SLC5A4: variants seen among roughly 807,000 people sequenced by gnomAD.
The protein encoded by SLC5A4 is solute carrier family 5 member 4.
A neutral mutation model predicts 70.3 loss-of-function variants in SLC5A4; 55 were observed. That is an observed-to-expected ratio of 0.78 (90% CI 0.63 to 0.98). The LOEUF is 0.98. SLC5A4 is among the 50% of genes least tolerant of loss of function. SLC5A4 has a pLI of 0.00. For missense variants in SLC5A4, 735 were observed against 839.2 expected (o/e 0.88, Z 1.53); for synonymous variants, 268 against 305.7 (o/e 0.88, Z 1.29).
chr22:32,324,152 G>A, the SLC5A4 span, among the ~76,000 whole-genome samples: 5 of 149,626 alleles, frequency 3.3e-5, no homozygotes, highest in Admixed American at 6.8e-5. Context: ...GCATTGACGC[G>A]GCTCTATTTC....
At chr22:32,353,668 C>G in the SLC5A4 span, among the ~76,000 whole-genome samples, 1 of 151,832 alleles carries the variant, frequency 6.6e-6, no homozygotes, top group African/African-American at 2.4e-5. Context: ...CAACCACCGG[C>G]AGTGTAGCAT....
chr22:32,289,696 CTG>C, the SLC5A4 span, among the ~76,000 whole-genome samples: 4 of 152,240 alleles, frequency 2.6e-5, no homozygotes, highest in African/African-American at 9.6e-5. Flanking sequence ...CCATGCGGAA[CTG>C]TGAGTCATTA....
the SLC5A4 span, among the ~76,000 whole-genome samples, chr22:32,318,515 T>C: frequency 6.6e-6 from 1 of 152,174 alleles, no homozygotes; most frequent in Non-Finnish European, 1.5e-5. Flanking sequence ...GAGTCATCTT[T>C]GACCCCTCTT....
the SLC5A4 span, among the ~76,000 whole-genome samples, chr22:32,333,561 G>C: frequency 3.3e-5 from 5 of 152,208 alleles, no homozygotes; most frequent in Non-Finnish European, 7.4e-5. Flanking sequence ...CTGTGGCCCT[G>C]ATCATCGGCT....
chr22:32,316,279 C>G, the SLC5A4 span, among the ~76,000 whole-genome samples: 5 of 151,920 alleles, frequency 3.3e-5, no homozygotes, highest in East Asian at 7.7e-4. Context: ...AAAGGATGAG[C>G]AGAAGCATAA....
chr22:32,310,581 A>G, the SLC5A4 span, among the ~76,000 whole-genome samples: 1 of 152,232 alleles, frequency 6.6e-6, no homozygotes, highest in Non-Finnish European at 1.5e-5. Flanking sequence ...GAGACCCCCC[A>G]GCACAGGTTC....
At position 32,237,108 on chromosome 22, in the gene SLC5A4, A is replaced by G. The variant is rs932506930; in HGVS notation, c.664+136T>C. 11 of 681,374 alleles carry G rather than the reference A, an allele frequency of 1.6e-5. No individual in the cohort carries two copies. In the African/African-American group the frequency reaches 2.0e-4, roughly 12 times the overall value. 42.2% of individuals were successfully genotyped at this position (681,374 alleles called of 1,614,324 possible). A position where few individuals can be genotyped will look rare whatever the true frequency, so the allele number is the denominator to read the frequency against. ...AAGAAGTCAGGCAGATATTTCAGTG[A>G]TGGGGATTATGTAAATGACTGGAAA... On this transcript the variant is annotated intron_variant, in intron 7 of 14. Coordinates refer to ENST00000266086, the MANE Select transcript of SLC5A4 (RefSeq NM_014227.3).
the SLC5A4 span, chr22:32,270,794 G>A: frequency 2.0e-5 from 12 of 599,294 alleles, no homozygotes; most frequent in East Asian, 2.1e-4. Flanking sequence ...GCCGACGGCC[G>A]CGTCACCATG....
chr22:32,317,147 A>G, the SLC5A4 span, among the ~76,000 whole-genome samples: 1 of 152,216 alleles, frequency 6.6e-6, no homozygotes, highest in African/African-American at 2.4e-5. Context: ...TTTGCCACCA[A>G]GAAGTCTATA....
chr22:32,322,581 G>A, the SLC5A4 span, among the ~76,000 whole-genome samples: 2 of 116,704 alleles, frequency 1.7e-5, no homozygotes, highest in African/African-American at 7.1e-5. Flanking sequence ...GCAAGACTCT[G>A]TCTCAAAAAA....
At chr22:32,308,192 A>C in the SLC5A4 span, among the ~76,000 whole-genome samples, 35 of 151,976 alleles carry the variant, frequency 2.3e-4, no homozygotes, top group Admixed American at 1.6e-3. Context: ...AACATGGGGG[A>C]AATCTGTAAA....
At chr22:32,292,071 A>AGT in the SLC5A4 span, among the ~76,000 whole-genome samples, 1 of 133,958 alleles carries the variant, frequency 7.5e-6, no homozygotes, top group East Asian at 2.0e-4. Context: ...ACGGGGTTTT[A>AGT]GTATATATAT....
At chr22:32,352,984 G>T in the SLC5A4 span, among the ~76,000 whole-genome samples, 1 of 152,226 alleles carries the variant, frequency 6.6e-6, no homozygotes, top group Non-Finnish European at 1.5e-5. Flanking sequence ...CTCCTGGCAT[G>T]AAACAACTGG....
chr22:32,223,125 A>T (rs1925182256), intron 13 of SLC5A4, among the ~76,000 whole-genome samples: 1 of 152,092 alleles, frequency 6.6e-6, no homozygotes, highest in Non-Finnish European at 1.5e-5. Context: ...TGAATAATAG[A>T]GCTCCCTCAT....
rs759749538 is a variant in SLC5A4 at position 32,229,323 on chromosome 22, G to A, written c.1151C>T (p.Ser384Leu). 6.8e-6 allele frequency: 11 copies of A among 1,613,962 alleles called. No homozygotes were observed. The highest frequency in any genetic ancestry group is 2.2e-5 in the South Asian group (2 of 91,068). ...GCTCATGAGAGAGGCCAGCATGACC[G>A]AAAGCATCAGGCCTCGCAGTCCTGG... ...MPQGLRGLML[S>L]VMLASLMSSL... Residue 384 changes from serine to leucine, a missense_variant, in exon 11 of 15, where the codon TCG becomes TTG. Physicochemically the swap from Ser to Leu is moderately radical, Grantham distance 145. Coordinates refer to ENST00000266086, the MANE Select transcript of SLC5A4 (RefSeq NM_014227.3).
the SLC5A4 span, among the ~76,000 whole-genome samples, chr22:32,335,733 G>A: frequency 5.9e-5 from 9 of 152,212 alleles, no homozygotes; most frequent in Admixed American, 5.2e-4. Flanking sequence ...TGAAGCCGTA[G>A]GTCCCAGCAC....
chr22:32,220,115 A>G (rs1924993684), intron 14 of SLC5A4, among the ~76,000 whole-genome samples: 2 of 152,092 alleles, frequency 1.3e-5, no homozygotes, highest in Admixed American at 6.6e-5. Context: ...CATTATTTCA[A>G]TCTTATTGAA....
At chr22:32,346,839 A>C in the SLC5A4 span, among the ~76,000 whole-genome samples, 1 of 147,428 alleles carries the variant, frequency 6.8e-6, no homozygotes, top group African/African-American at 2.5e-5. Flanking sequence ...GCAACAAAAG[A>C]CAAAATTGAC....
chr22:32,221,134 G>A (rs73164040), intron 13 of SLC5A4, 112 bp from the exon 14 acceptor site: 49,078 of 643,876 alleles, frequency 0.076, 2,188 homozygotes, highest in African/African-American at 0.16. Context: ...AAACCATACA[G>A]GAGAATATAG....
Sources: allele counts gnomAD v4.1 joint callset (sites outside exome capture counted in the v4.1 genomes callset), GRCh38; gene constraint gnomAD v4.1.1; transcripts MANE v1.5; gene names NCBI Gene and HGNC (gene_info 2026-07-23, HGNC 2026-07-21).